The following BMP1 variants were observed in gnomAD, a reference collection of about 807,000 sequenced individuals.
BMP1 encodes mammalian tolloid protein.
Under a neutral mutation model 116.8 loss-of-function variants are expected in BMP1, and 63 were observed. That is an observed-to-expected ratio of 0.54 (90% confidence interval 0.44 to 0.67). The LOEUF (loss-of-function observed/expected upper bound fraction) is 0.67. Ranked by LOEUF, BMP1 falls within the 30% of genes least tolerant of loss-of-function variation. The pLI is 0.00. For synonymous variants in BMP1, 536 were observed against 533.4 expected (o/e 1.00, Z -0.07); for missense variants, 1,183 against 1,358.9 (o/e 0.87, Z 2.04).
intron 18 of BMP1, among the ~76,000 whole-genome samples, chr8:22,209,196 A>T (rs1829416745): frequency 6.6e-6 from 1 of 150,562 alleles, no homozygotes; most frequent in African/African-American, 2.5e-5. Flanking sequence ...GCCTCGTGCC[A>T]CCGCTCCATG....
intron 15 of BMP1, chr8:22,198,934 A>G: frequency 5.6e-6 from 7 of 1,248,420 alleles, no homozygotes; most frequent in Non-Finnish European, 7.3e-6. Context: ...GAGGGTTGAG[A>G]GGATGTAACA....
chr8:22,201,432 C>T, intron 15 of BMP1: 1 of 1,415,572 alleles, frequency 7.1e-7, no homozygotes, highest in Non-Finnish European at 9.2e-7. Context: ...TGTGACATTT[C>T]CTGTTGTGAA....
intron 1 of BMP1, among the ~76,000 whole-genome samples, chr8:22,172,765 C>G (rs551736736): frequency 6.6e-6 from 1 of 151,756 alleles, no homozygotes; most frequent in African/African-American, 2.4e-5. Context: ...TACAGGCATG[C>G]ATCACCATGT....
At position 22,187,325 on chromosome 8, in the gene BMP1, A is replaced by AT. The variant is rs1329903876; in HGVS notation, c.1078-4722dup. Among the ~76,000 whole-genome samples the AT allele has an allele frequency of 7.8e-3, 1,145 of 147,568 alleles. 12 individuals are homozygous for AT. The highest frequency in any genetic ancestry group is 0.056 in the Middle Eastern group (15 of 266). ...ATCTTTTATTTATTTTAATTAATTA[A>AT]TTAATTTATTTATTTATTTATTTTG... is the stretch of plus-strand genomic sequence containing the variant. On this transcript the variant is annotated intron_variant, in intron 8 of 19. Coordinates refer to ENST00000306385, the MANE Select transcript of BMP1 (RefSeq NM_006129.5).
At chr8:22,208,478 G>A (rs1262286812) in intron 18 of BMP1, among the ~76,000 whole-genome samples, 1 of 152,236 alleles carries the variant, frequency 6.6e-6, no homozygotes, top group Non-Finnish European at 1.5e-5. Context: ...GCGGGAGCCA[G>A]GCAGGAAGAA....
In BMP1 at chr8:22,177,852, G is replaced by T. The variant is rs773376817; in HGVS notation, c.731G>T (p.Gly244Val). 1.2e-6 allele frequency: 2 copies of T among 1,607,684 alleles called. No individual in the cohort carries two copies. Among genetic ancestry groups the T allele is most frequent in the South Asian group, 1.1e-5 (1 of 90,726 alleles). ...CACACCCTTTTCCTGATCTTGGCAG[G>T]GCAGGAGTATAACTTCCTGAAGATG... is the stretch of plus-strand genomic sequence containing the variant. ...VSIVRENIQP[G>V]QEYNFLKMEP... Residue 244 changes from glycine to valine, a missense_variant and splice_region_variant, in exon 6 of 20, where the codon GGG (glycine) becomes GTG (valine). Gly to Val is a moderately radical substitution (Grantham distance 109). Coordinates refer to ENST00000306385, the MANE Select transcript of BMP1 (RefSeq NM_006129.5).
chr8:22,194,670 G>C lies in BMP1; in HGVS notation c.1444-54G>C. 1 of 1,595,636 alleles carries C rather than the reference G, an allele frequency of 6.3e-7. No homozygotes were observed. Among genetic ancestry groups the C allele is most frequent in the African/African-American group, 1.3e-5 (1 of 74,548 alleles). ...CAGCTGCCTCTCTTTGGGCTCCCAG[G>C]GGTGGGTCTCTGGCAGCCAGAGCCC... is the stretch of plus-strand genomic sequence containing the variant. On this transcript the variant is annotated intron_variant, in intron 11 of 19. Coordinates refer to ENST00000306385, the MANE Select transcript of BMP1 (RefSeq NM_006129.5). The surrounding 1 kb of genome is among the most constrained non-coding windows in gnomAD (Gnocchi z 4.5).
At chr8:22,187,081 C>T (rs915643213) in intron 8 of BMP1, among the ~76,000 whole-genome samples, 3 of 150,550 alleles carry the variant, frequency 2.0e-5, no homozygotes, top group Non-Finnish European at 4.4e-5. Flanking sequence ...ACCTCTGCAT[C>T]TCGGGTTCAA....
intron 8 of BMP1, among the ~76,000 whole-genome samples, chr8:22,181,977 A>G (rs966971360): frequency 6.6e-6 from 1 of 151,996 alleles, no homozygotes; most frequent in Non-Finnish European, 1.5e-5. Flanking sequence ...AGCCCTCCTA[A>G]TGTGGGGAGG....
chr8:22,198,788 C>A, intron 15 of BMP1: 1 of 333,918 alleles, frequency 3.0e-6, no homozygotes, highest in Non-Finnish European at 4.7e-6. Context: ...CTGCTTGGCA[C>A]TGCCAGCCAC....
chr8:22,170,410 A>C lies in BMP1; in HGVS notation c.149-3192A>C, dbSNP rs913533685. On this transcript the variant is annotated intron_variant, in intron 1 of 19. Transcript: ENST00000306385. Reference sequence around the variant, plus strand: ...TGCTCTGTGCTGGGGGTTCGTGTATATGTCTTATTTCATGCAGTAATCCTA... The same window carrying C: ...TGCTCTGTGCTGGGGGTTCGTGTATCTGTCTTATTTCATGCAGTAATCCTA... 2.6e-5 allele frequency: 4 copies of C among 152,272 alleles called. No individual in the cohort carries two copies. The East Asian group carries it at 7.7e-4, about 29-fold the overall frequency. The allele number at this position is 152,272 out of a possible 1,614,324, so 9.4% of individuals were successfully genotyped here.
Position 22,177,838 on chromosome 8 carries a change from C to A in BMP1, c.731-14C>A. 1 of 1,578,406 alleles carries A rather than the reference C, an allele frequency of 6.3e-7. No homozygotes were observed. Among genetic ancestry groups the A allele is most frequent in the Non-Finnish European group, 8.7e-7 (1 of 1,150,244 alleles). On this transcript the variant is annotated splice_polypyrimidine_tract_variant and intron_variant, in intron 5 of 19. Transcript: ENST00000306385. ...CCCTCCTCTCCCCCCACACCCTTTT[C>A]CTGATCTTGGCAGGGCAGGAGTATA...
rs760914203 is a variant in BMP1 at position 22,196,833 on chromosome 8, G to A, written c.1919G>A (p.Gly640Asp). The A allele has an allele frequency of 6.2e-7, 1 of 1,612,992 alleles. No individual in the cohort carries two copies. Among genetic ancestry groups the A allele is most frequent in the East Asian group, 2.2e-5 (1 of 44,842 alleles). ...CAGTTTGACTTCTTTGAGACAGAGG[G>A]CAATGATGTAAGTGCCCACCAGGGG... The part of the protein sequence containing the change: ...SLQFDFFETE[G>D]NDVCKYDFVE... Residue 640 changes from glycine (G) to aspartate (D), a missense_variant, in exon 14 of 20, where the codon GGC (glycine) becomes GAC (aspartate). This residue lies in a region of BMP1 where 956 missense variants were observed against 1,135.2 expected (regional missense o/e 0.84). Coordinates refer to ENST00000306385, the MANE Select transcript of BMP1 (RefSeq NM_006129.5).
chr8:22,177,255 C>T, intron 5 of BMP1, 116 bp downstream of exon 5: 1 of 1,103,692 alleles, frequency 9.1e-7, no homozygotes, highest in Non-Finnish European at 1.3e-6. Flanking sequence ...CCTGGGCCCG[C>T]AGCGCTGCCC....
Position 22,176,225 on chromosome 8 carries a change from A to C in BMP1, c.345A>C (p.Arg115Ser), listed in dbSNP as rs1226261533. 6.2e-7 allele frequency: 1 copy of C among 1,613,950 alleles called. No individual in the cohort carries two copies. The highest frequency in any genetic ancestry group is 1.3e-5 in the African/African-American group (1 of 74,922). ...QRGACGRWRG[R>S]SRSRRAATSR... ...GAGCCTGTGGGAGATGGAGAGGTAGATCCCGTAGCCGGCGGGCGGCGACGT... is the reference window on the plus strand; with the variant it reads ...GAGCCTGTGGGAGATGGAGAGGTAGCTCCCGTAGCCGGCGGGCGGCGACGT... The change falls in exon 3 of 20, where the codon AGA becomes AGC. Residue 115 changes from arginine to serine, a missense_variant. Coordinates refer to ENST00000306385, the MANE Select transcript of BMP1 (RefSeq NM_006129.5).
intron 13 of BMP1, among the ~76,000 whole-genome samples, chr8:22,195,841 G>T (rs1195154499): frequency 6.6e-6 from 1 of 151,854 alleles, no homozygotes; most frequent in Non-Finnish European, 1.5e-5. Flanking sequence ...TAGCAATGAG[G>T]TCTTACTTTG....
intron 15 of BMP1, chr8:22,198,685 G>C (rs746800006): frequency 1.3e-5 from 2 of 158,808 alleles, no homozygotes; most frequent in South Asian, 3.6e-4. Flanking sequence ...CCCCTCCTTC[G>C]CCCAGGGTCC....
chr8:22,177,990 C>T (rs553908444), intron 6 of BMP1, 33 bp downstream of exon 6: 6 of 1,516,474 alleles, frequency 4.0e-6, no homozygotes, highest in East Asian at 2.3e-5. Flanking sequence ...GGCCTCTGCT[C>T]GGGCAGCCCC....
intron 1 of BMP1, 55 bp downstream of exon 1, chr8:22,165,608 T>C (rs1828070705): frequency 6.6e-7 from 1 of 1,512,332 alleles, no homozygotes; most frequent in African/African-American, 1.5e-5. Context: ...GCGGGCGGGT[T>C]CGGGCTTGGG....
Sources: allele counts gnomAD v4.1 joint callset (sites outside exome capture counted in the v4.1 genomes callset), GRCh38; gene constraint gnomAD v4.1.1; regional missense constraint gnomAD v4.1.1; non-coding constraint Gnocchi (gnomAD v3.1); transcripts MANE v1.5; gene names NCBI Gene and HGNC (gene_info 2026-07-23, HGNC 2026-07-21).